Variants in AGTPBP1 observed in about 807,000 individuals in gnomAD.
The protein encoded by AGTPBP1 is cytosolic carboxypeptidase 1.
In AGTPBP1, 70 loss-of-function variants were observed where a neutral mutation model predicts 143.9. That is an observed-to-expected ratio of 0.49 (90% CI 0.40 to 0.59). The LOEUF is 0.59. Among genes scored for constraint, AGTPBP1 ranks in the 20% least tolerant of loss-of-function variants. The pLI is 0.00. For synonymous variants in AGTPBP1, 463 were observed against 500.2 expected (o/e 0.93, Z 0.99); for missense variants, 1,229 against 1,464.5 (o/e 0.84, Z 2.62).
chr9:85,597,079 T>C (rs2133281649), intron 17 of AGTPBP1, among the ~76,000 whole-genome samples: 1 of 152,200 alleles, frequency 6.6e-6, no homozygotes, highest in Admixed American at 6.5e-5. Flanking sequence ...CAATTTTTAT[T>C]GAGATCTGGT....
intron 4 of AGTPBP1, among the ~76,000 whole-genome samples, chr9:85,679,415 T>G (rs555519473): frequency 6.6e-6 from 1 of 152,270 alleles, no homozygotes; most frequent in Non-Finnish European, 1.5e-5. Flanking sequence ...TTCTTTTTTT[T>G]CTTTTTTTTT....
rs1206240561 is a variant in AGTPBP1 at position 85,575,374 on chromosome 9, C to T, written c.3444G>A (p.Leu1148=). 4 of 1,606,906 alleles carry T rather than the reference C, an allele frequency of 2.5e-6. No homozygotes were observed. Among genetic ancestry groups the T allele is most frequent in the Middle Eastern group, 1.7e-4 (1 of 6,058 alleles). Residue 1148 remains leucine, a synonymous_variant, in exon 25 of 26, where the codon CTG becomes CTA. Transcript: ENST00000357081. ...TTTCAAAGTCAAGCAGGCTGGAAGGCAGATTATACTCCAATGGAGAGGTCA... is the reference window on the plus strand; with the variant it reads ...TTTCAAAGTCAAGCAGGCTGGAAGGTAGATTATACTCCAATGGAGAGGTCA... The part of the protein sequence containing the change: ...KRLTSPLEYN[L]PSSLLDFEND...
intron 25 of AGTPBP1, 71 bp downstream of exon 25, chr9:85,575,244 C>G: frequency 4.9e-6 from 6 of 1,234,836 alleles, no homozygotes; most frequent in Non-Finnish European, 6.4e-6. Flanking sequence ...ATTTCCATGC[C>G]TTTTCTGCTA....
intron 25 of AGTPBP1, among the ~76,000 whole-genome samples, chr9:85,563,871 A>G (rs1353182730): frequency 6.6e-6 from 1 of 152,240 alleles, no homozygotes; most frequent in Non-Finnish European, 1.5e-5. Context: ...CCTCTGCAGC[A>G]CAAGGTGAGG....
intron 4 of AGTPBP1, among the ~76,000 whole-genome samples, chr9:85,678,645 C>A (rs1355351760): frequency 1.3e-5 from 2 of 152,150 alleles, no homozygotes; most frequent in Non-Finnish European, 2.9e-5. Flanking sequence ...CATTTGAATT[C>A]CTCATCTTTC....
intron 25 of AGTPBP1, among the ~76,000 whole-genome samples, chr9:85,551,564 C>T (rs1039711881): frequency 6.6e-6 from 1 of 152,174 alleles, no homozygotes; most frequent in Admixed American, 6.5e-5. Context: ...TGACACATTG[C>T]AGGCACCTCA....
At chr9:85,770,727 G>T in the AGTPBP1 span, among the ~76,000 whole-genome samples, 2 of 152,128 alleles carry the variant, frequency 1.3e-5, no homozygotes, top group Non-Finnish European at 2.9e-5. Context: ...CCTTTCAAAA[G>T]AAGTCCTTTT....
the AGTPBP1 span, among the ~76,000 whole-genome samples, chr9:85,774,804 T>C: frequency 1.3e-5 from 2 of 152,232 alleles, no homozygotes; most frequent in Non-Finnish European, 2.9e-5. Flanking sequence ...AATTTGATTG[T>C]TGAGGCAATT....
chr9:85,619,129 T>C lies in AGTPBP1; in HGVS notation c.2189A>G (p.Asn730Ser), dbSNP rs1023723465. The change falls in exon 17 of 26, where the codon AAT becomes AGT. Residue 730 changes from asparagine (N) to serine (S), a missense_variant and splice_region_variant. Transcript: ENST00000357081. Reference sequence around the variant, plus strand: ...TGAGTTCAGAATAAGATCATATTCATTTCTGAAAATAGAAGACAAAGAAAT... The same window carrying C: ...TGAGTTCAGAATAAGATCATATTCACTTCTGAAAATAGAAGACAAAGAAAT... ...NLRKVIQIRK[N>S]EYDLILNSDI... 6 of 1,612,442 alleles carry C rather than the reference T, an allele frequency of 3.7e-6. No homozygotes were observed. The highest frequency in any genetic ancestry group is 2.2e-5 in the East Asian group (1 of 44,748).
At chr9:85,647,415 A>G (rs910978245) in intron 11 of AGTPBP1, among the ~76,000 whole-genome samples, 15 of 152,218 alleles carry the variant, frequency 9.9e-5, no homozygotes, top group Non-Finnish European at 2.9e-5. Flanking sequence ...GAGGTTAAAG[A>G]GCAGAAAGGA....
At chr9:85,728,078 T>C (rs879666689) in intron 1 of AGTPBP1, among the ~76,000 whole-genome samples, 151 of 139,348 alleles carry the variant, frequency 1.1e-3, no homozygotes, top group Non-Finnish European at 1.7e-3. Flanking sequence ...CACACACACA[T>C]ATTTACTTCA....
In AGTPBP1 at chr9:85,609,759, C is replaced by A. The variant is rs893897977; in HGVS notation, c.2335+9224G>T. On this transcript the variant is annotated intron_variant, in intron 17 of 25. Transcript: ENST00000357081. ...CACACACACCAGCATTAATGGTATC[C>A]CACTGGCCAAATCCTGGACAATTTG... Among the ~76,000 whole-genome samples the A allele has an allele frequency of 7.9e-5, 12 of 152,138 alleles. No homozygotes were observed. The East Asian group carries it at 2.1e-3, about 27-fold the overall frequency.
At chr9:85,585,681 T>A in intron 22 of AGTPBP1, 87 bp from the exon 23 acceptor site, 1 of 1,076,796 alleles carries the variant, frequency 9.3e-7, no homozygotes, top group Non-Finnish European at 1.2e-6. Context: ...AATAAACATG[T>A]AGGTCTGTGT....
chr9:85,555,576 C>T (rs1478605351), intron 25 of AGTPBP1, among the ~76,000 whole-genome samples: 2 of 151,998 alleles, frequency 1.3e-5, no homozygotes, highest in African/African-American at 2.4e-5. Context: ...TCCAGCCTGG[C>T]GACAGAATGA....
chr9:85,769,931 A>G, the AGTPBP1 span, among the ~76,000 whole-genome samples: 2 of 152,182 alleles, frequency 1.3e-5, no homozygotes, highest in African/African-American at 4.8e-5. Flanking sequence ...TTGTTCAAGT[A>G]TATTCCGTGG....
chr9:85,774,311 A>G, the AGTPBP1 span, among the ~76,000 whole-genome samples: 4 of 152,240 alleles, frequency 2.6e-5, no homozygotes, highest in African/African-American at 9.6e-5. Flanking sequence ...TCTAGTTTTT[A>G]TGTAGAAATG....
chr9:85,688,289 C>T (rs1835626648), intron 3 of AGTPBP1, among the ~76,000 whole-genome samples: 1 of 151,906 alleles, frequency 6.6e-6, no homozygotes, highest in African/African-American at 2.4e-5. Context: ...GTCTCTTAAC[C>T]TCAGCACTCT....
intron 3 of AGTPBP1, among the ~76,000 whole-genome samples, chr9:85,690,497 T>A (rs1463062942): frequency 1.3e-5 from 2 of 149,890 alleles, no homozygotes; most frequent in Non-Finnish European, 3.0e-5. Context: ...GTATTTTCAG[T>A]GGTGGGAAGA....
chr9:85,647,762 G>A (rs1005171711), intron 11 of AGTPBP1, among the ~76,000 whole-genome samples: 3 of 152,082 alleles, frequency 2.0e-5, no homozygotes, highest in African/African-American at 7.2e-5. Flanking sequence ...CTAAGAAGAG[G>A]AAATAATACT....
Sources: gnomAD v4.1 joint callset for allele counts (sites outside exome capture counted in the v4.1 genomes callset) on GRCh38, gnomAD v4.1.1 for gene constraint, MANE v1.5 for transcripts, NCBI Gene and HGNC (gene_info 2026-07-23, HGNC 2026-07-21) for gene names.